CPXM2: variants seen among roughly 807,000 people sequenced by gnomAD.
CPXM2 encodes the protein carboxypeptidase X, M14 family member 2, also known as inactive carboxypeptidase-like protein X2.
Under a neutral mutation model 86.1 loss-of-function variants are expected in CPXM2, and 66 were observed. That is an observed-to-expected ratio of 0.77 (90% CI 0.63 to 0.94). The LOEUF (loss-of-function observed/expected upper bound fraction) is 0.94. Among genes scored for constraint, CPXM2 ranks in the 40% least tolerant of loss-of-function variants. The pLI is 0.00. For synonymous variants in CPXM2, 388 were observed against 400.2 expected (o/e 0.97, Z 0.36); for missense variants, 948 against 1,026.3 (o/e 0.92, Z 1.04).
intron 3 of CPXM2, among the ~76,000 whole-genome samples, chr10:123,849,420 T>C (rs1848556463): frequency 1.3e-5 from 2 of 151,336 alleles, no homozygotes; most frequent in African/African-American, 4.9e-5. Context: ...TCATTTATTA[T>C]ATTCTTAACG....
chr10:123,912,099 G>C (rs1945493590), intron 2 of CPXM2, among the ~76,000 whole-genome samples: 1 of 152,056 alleles, frequency 6.6e-6, no homozygotes, highest in African/African-American at 2.4e-5. Context: ...CATACTTCCA[G>C]GATCTTGCAT....
chr10:123,821,819 A>G (rs1467390323), intron 4 of CPXM2, among the ~76,000 whole-genome samples: 1 of 152,208 alleles, frequency 6.6e-6, no homozygotes, highest in East Asian at 1.9e-4. Flanking sequence ...CATTGTGCCA[A>G]TTGTGCTAAG....
intron 2 of CPXM2, among the ~76,000 whole-genome samples, chr10:123,897,904 T>G (rs1251096760): frequency 1.3e-5 from 2 of 152,134 alleles, no homozygotes; most frequent in African/African-American, 4.8e-5. Context: ...AAGGTCTGAG[T>G]TCAGGCATCC....
intron 6 of CPXM2, among the ~76,000 whole-genome samples, chr10:123,791,561 C>G (rs907092566): frequency 6.6e-6 from 1 of 152,350 alleles, no homozygotes; most frequent in African/African-American, 2.4e-5. Flanking sequence ...CGATCTCCAC[C>G]TGCGACGTCA....
At chr10:123,780,303 C>T (rs1389350205) in intron 6 of CPXM2, 48 bp from the exon 7 acceptor site, 2 of 1,134,708 alleles carry the variant, frequency 1.8e-6, no homozygotes, top group Admixed American at 1.7e-5. Flanking sequence ...ATTCTATCTC[C>T]CATGGCACCT....
At chr10:123,868,155 G>A (rs145092979) in intron 2 of CPXM2, among the ~76,000 whole-genome samples, 140 of 152,300 alleles carry the variant, frequency 9.2e-4, no homozygotes, top group Non-Finnish European at 1.5e-3. Context: ...GGCAAAGACC[G>A]AAGGGAGCAC....
At chr10:123,771,260 G>A (rs1045057443) in intron 7 of CPXM2, among the ~76,000 whole-genome samples, 11 of 151,694 alleles carry the variant, frequency 7.3e-5, no homozygotes, top group African/African-American at 2.2e-4. Context: ...CTCTATCATC[G>A]TCCCCCTAGG....
chr10:123,757,387 AAT>A, intron 11 of CPXM2, 35 bp from the exon 12 acceptor site: 1 of 1,587,740 alleles, frequency 6.3e-7, no homozygotes, highest in South Asian at 1.1e-5. Context: ...TTAACTGAAC[AAT>A]ACTCAAAATG....
intron 11 of CPXM2, among the ~76,000 whole-genome samples, chr10:123,759,626 A>G (rs182559311): frequency 1.8e-4 from 28 of 152,344 alleles, no homozygotes; most frequent in African/African-American, 6.5e-4. Flanking sequence ...AGTTCTTCAC[A>G]AGCCTTCGGC....
At position 123,843,242 on chromosome 10, in the gene CPXM2, A is replaced by G. The variant is rs1405946332; in HGVS notation, c.514-754T>C. On this transcript the variant is annotated intron_variant, in intron 3 of 13. Transcript: ENST00000241305. ...GCTGGGACTACAAGCACACACCACC[A>G]TGCCCTGCTCCAAAATTCTTTTGAT... The G allele has an allele frequency of 6.6e-6, 3 of 454,612 alleles. No homozygotes were observed. The Admixed American group carries it at 7.1e-5, about 11-fold the overall frequency. The allele number at this position is 454,612 out of a possible 1,614,324, so 28.2% of individuals were successfully genotyped here. A position where few individuals can be genotyped will look rare whatever the true frequency, so the allele number is the denominator to read the frequency against.
intron 1 of CPXM2, among the ~76,000 whole-genome samples, chr10:123,884,874 G>A (rs564384291): frequency 6.6e-6 from 1 of 152,190 alleles, no homozygotes; most frequent in Non-Finnish European, 1.5e-5. Flanking sequence ...GGCATGGCTG[G>A]GGCAGCAGTG....
chr10:123,832,826 T>TTAAAAAAAAAAA (rs1554883294), intron 4 of CPXM2, among the ~76,000 whole-genome samples: 2 of 133,582 alleles, frequency 1.5e-5, no homozygotes, highest in African/African-American at 6.3e-5. Flanking sequence ...AAACTCTGTC[T>TTAAAAAAAAAAA]AAAAAAAAAA....
At chr10:123,807,371 T>C (rs1189534982) in intron 4 of CPXM2, among the ~76,000 whole-genome samples, 2 of 152,190 alleles carry the variant, frequency 1.3e-5, no homozygotes, top group Non-Finnish European at 2.9e-5. Flanking sequence ...ATAGAAGAGA[T>C]ACTTGCCCAT....
chr10:123,778,512 T>C (rs962887577), intron 7 of CPXM2, among the ~76,000 whole-genome samples: 3 of 152,202 alleles, frequency 2.0e-5, no homozygotes, highest in Non-Finnish European at 4.4e-5. Flanking sequence ...AGGTCCCTCT[T>C]GGCTCCAGTA....
At chr10:123,808,625 G>C (rs1287771388) in intron 4 of CPXM2, among the ~76,000 whole-genome samples, 1 of 152,026 alleles carries the variant, frequency 6.6e-6, no homozygotes, top group East Asian at 1.9e-4. Context: ...CCCCTCAAAA[G>C]AAAAGAATCT....
intron 6 of CPXM2, among the ~76,000 whole-genome samples, chr10:123,781,904 G>A (rs1490754181): frequency 6.6e-6 from 1 of 152,170 alleles, no homozygotes. Flanking sequence ...AACTGATCGA[G>A]GTTCACTTAA....
chr10:123,855,397 T>A (rs1003437056), intron 3 of CPXM2, among the ~76,000 whole-genome samples: 1 of 151,852 alleles, frequency 6.6e-6, no homozygotes, highest in African/African-American at 2.4e-5. Context: ...CGGGAAGGCA[T>A]GAAGGAAGAG....
chr10:123,919,267 G>A (rs1945561810), intron 2 of CPXM2, among the ~76,000 whole-genome samples: 1 of 152,102 alleles, frequency 6.6e-6, no homozygotes, highest in Non-Finnish European at 1.5e-5. Flanking sequence ...AGGGACTTGT[G>A]GTCCATTCCT....
intron 2 of CPXM2, among the ~76,000 whole-genome samples, chr10:123,877,546 C>T (rs796229339): frequency 5.9e-5 from 9 of 152,220 alleles, no homozygotes; most frequent in African/African-American, 2.2e-4. Flanking sequence ...TGCAAGAGGC[C>T]CAAGAGACAA....
Sources: allele counts gnomAD v4.1 joint callset (sites outside exome capture counted in the v4.1 genomes callset), GRCh38; gene constraint gnomAD v4.1.1; transcripts MANE v1.5; gene names NCBI Gene and HGNC (gene_info 2026-07-23, HGNC 2026-07-21).